The following GIT2 variants were observed in gnomAD, a reference collection of about 807,000 sequenced individuals.
GIT2 encodes GIT ArfGAP 2, also known as ARF GTPase-activating protein GIT2.
GIT2 carries 32 observed loss-of-function variants against 100.3 expected under a neutral mutation model. That is an observed-to-expected ratio of 0.32 (90% confidence interval 0.24 to 0.43). The LOEUF (loss-of-function observed/expected upper bound fraction) is 0.43. Among genes scored for constraint, GIT2 ranks in the 20% least tolerant of loss-of-function variants. The pLI is 1.00. For missense variants in GIT2, 737 were observed against 975.1 expected, an observed-to-expected ratio of 0.76 and a Z score of 3.25; for synonymous variants, 353 against 364.1, an observed-to-expected ratio of 0.97 and a Z score of 0.35.
rs559663280 is a variant in GIT2, at chr12:109,953,619, CCT to C, written c.1100-387_1100-386del. The C allele has an allele frequency of 4.0e-3, 657 of 164,222 alleles. 7 individuals are homozygous for C. Among genetic ancestry groups the C allele is most frequent in the African/African-American group, 0.015 (636 of 41,944 alleles). The allele number at this position is 164,222 out of a possible 1,614,324, so 10.2% of individuals were successfully genotyped here. A position where few individuals can be genotyped will look rare whatever the true frequency, so the allele number is the denominator to read the frequency against. ...TCCAGCCTGGGCATCAGAGTGAGGC[CCT>C]GTCTCTAAGAGCAAAAACAAAGACA... is the stretch of plus-strand genomic sequence containing the variant. On this transcript the variant is annotated intron_variant, in intron 12 of 19. Transcript: ENST00000355312.
At chr12:109,977,358 A>G (rs1209160453) in intron 7 of GIT2, among the ~76,000 whole-genome samples, 1 of 152,124 alleles carries the variant, frequency 6.6e-6, no homozygotes, top group East Asian at 1.9e-4. Context: ...AAAAAATACA[A>G]AAGTTATCTG....
At chr12:109,954,079 C>A (rs191672622) in intron 12 of GIT2, 21 of 152,204 alleles carry the variant, frequency 1.4e-4, no homozygotes, top group African/African-American at 4.1e-4. Flanking sequence ...GAGGCCGAGG[C>A]GGGCGGATCA....
At chr12:109,978,536 C>T (rs1463078033) in intron 7 of GIT2, among the ~76,000 whole-genome samples, 2 of 152,178 alleles carry the variant, frequency 1.3e-5, no homozygotes, top group African/African-American at 2.4e-5. Flanking sequence ...GTCTTTTCTT[C>T]CTACTCTTTT....
intron 6 of GIT2, chr12:109,982,051 T>C (rs1886403548): frequency 6.6e-6 from 1 of 152,250 alleles, no homozygotes; most frequent in Admixed American, 6.5e-5. Context: ...TTTAATTGGC[T>C]GAACTCTTTT....
At chr12:109,960,010 T>C in intron 11 of GIT2, 52 bp from the exon 12 acceptor site, 1 of 1,183,886 alleles carries the variant, frequency 8.4e-7, no homozygotes, top group Non-Finnish European at 1.3e-6. Flanking sequence ...AATATATACA[T>C]AAATAGTCAC....
At chr12:109,939,677 TAAATA>T (rs934462350) in intron 16 of GIT2, 4 of 135,482 alleles carry the variant, frequency 3.0e-5, no homozygotes, top group Admixed American at 1.5e-4. Flanking sequence ...ATTTAAAAAA[TAAATA>T]AAATAAATAA....
chr12:109,966,977 G>A (rs1259098215), intron 8 of GIT2, among the ~76,000 whole-genome samples: 1 of 152,136 alleles, frequency 6.6e-6, no homozygotes. Flanking sequence ...TCAGTGTCCA[G>A]AAATAAAATT....
chr12:109,931,757 C>T lies in GIT2; in HGVS notation c.*1221G>A, dbSNP rs1226487177. ...ACGGGAAGAGCTTTCACATTCAGAA[C>T]AAGAAGGGGCTTTTGAGTAACTAAA... On this transcript the variant is annotated 3_prime_UTR_variant, in exon 20 of 20. Transcript: ENST00000355312. The T allele has an allele frequency of 6.6e-6, 1 of 152,254 alleles. No homozygotes were observed. The highest frequency in any genetic ancestry group is 1.5e-5 in the Non-Finnish European group (1 of 68,062). The allele number at this position is 152,254 out of a possible 1,614,324, so 9.4% of individuals were successfully genotyped here. A position where few individuals can be genotyped will look rare whatever the true frequency, so the allele number is the denominator to read the frequency against.
intron 7 of GIT2, among the ~76,000 whole-genome samples, chr12:109,977,144 G>A (rs1009680261): frequency 6.6e-6 from 1 of 151,982 alleles, no homozygotes; most frequent in Non-Finnish European, 1.5e-5. Context: ...ATTTTCATTG[G>A]ATATAGAGTT....
At chr12:109,980,026 A>G (rs1885990273) in intron 7 of GIT2, among the ~76,000 whole-genome samples, 1 of 152,212 alleles carries the variant, frequency 6.6e-6, no homozygotes, top group East Asian at 1.9e-4. Context: ...GCCATACACA[A>G]GGTATAAATA....
In GIT2 at chr12:109,939,202, C is replaced by G. The variant is rs749181313; in HGVS notation, c.1777G>C (p.Asp593His). The change falls in exon 17 of 20, where the codon GAC becomes CAC. Residue 593 changes from aspartate to histidine, a missense_variant. By Grantham distance (81) the Asp-to-His change is moderately conservative. This residue lies in a region of GIT2 where 451 missense variants were observed against 543.7 expected (regional missense o/e 0.83). Transcript: ENST00000355312. ...GGCTCCATGTCGTTGGGAGTGTTGTCGTAGTCACTCTCAGGTGTGCTGTTC... is the reference window on the plus strand; with the variant it reads ...GGCTCCATGTCGTTGGGAGTGTTGTGGTAGTCACTCTCAGGTGTGCTGTTC... ...KQNSTPESDY[D>H]NTPNDMEPDG... The G allele has an allele frequency of 6.8e-6, 11 of 1,611,238 alleles. No homozygotes were observed. The South Asian group carries it at 8.8e-5, about 13-fold the overall frequency.
intron 7 of GIT2, among the ~76,000 whole-genome samples, chr12:109,968,163 G>C (rs1431259614): frequency 6.6e-6 from 1 of 152,030 alleles, no homozygotes; most frequent in Non-Finnish European, 1.5e-5. Flanking sequence ...CTTTTCCCTT[G>C]AGTAGCGCTA....
At chr12:109,983,185 T>C in intron 6 of GIT2, 188 bp downstream of exon 6, 2 of 544,932 alleles carry the variant, frequency 3.7e-6, no homozygotes, top group Non-Finnish European at 6.5e-6. Flanking sequence ...CACTGGTTCA[T>C]GATTCTAGCC....
rs1277622081 is a variant in GIT2, at chr12:109,938,487, G to A, written c.1896C>T (p.Ala632=). 3.7e-6 allele frequency: 6 copies of A among 1,613,554 alleles called. No individual in the cohort carries two copies. Among genetic ancestry groups the A allele is most frequent in the Non-Finnish European group, 5.1e-6 (6 of 1,179,636 alleles). Residue 632 remains alanine, a synonymous_variant, in exon 18 of 20, where the codon GCC becomes GCT. Coordinates refer to ENST00000355312, the MANE Select transcript of GIT2 (RefSeq NM_057169.5). ...CGGTGCTAGGGAGAGTGGGGCTTGG[G>A]GCCACATGGGGTTCTGCTGTGTCTG... ...LVPDTAEPHV[A]PSPTLPSTED... is the part of the protein sequence containing the mutation.
intron 8 of GIT2, among the ~76,000 whole-genome samples, chr12:109,966,090 G>A (rs1317857968): frequency 6.6e-6 from 1 of 151,190 alleles, no homozygotes; most frequent in Non-Finnish European, 1.5e-5. Flanking sequence ...CTGCCACCAG[G>A]GTTTAAGCAA....
intron 1 of GIT2, among the ~76,000 whole-genome samples, chr12:109,994,764 C>T (rs1424399350): frequency 2.0e-5 from 3 of 152,164 alleles, no homozygotes; most frequent in Non-Finnish European, 4.4e-5. Flanking sequence ...AAGCTAGACA[C>T]ATGTGAATCA....
chr12:109,947,525 T>C lies in GIT2; in HGVS notation c.1393-21A>G, dbSNP rs1876669521. 1 of 1,603,284 alleles carries C rather than the reference T, an allele frequency of 6.2e-7. No individual in the cohort carries two copies. Among genetic ancestry groups the C allele is most frequent in the South Asian group, 1.1e-5 (1 of 90,060 alleles). ...TGAAGCTGAAAGAAATGTTTGGCAG[T>C]GGGACTGTGTTTTTTTACAGCAAGC... On this transcript the variant is annotated intron_variant, in intron 14 of 19. Coordinates refer to ENST00000355312, the MANE Select transcript of GIT2 (RefSeq NM_057169.5). This position sits in a 1 kb window ranked among gnomAD's most constrained non-coding sequence, Gnocchi z 4.3.
At chr12:109,976,919 C>T (rs1193483242) in intron 7 of GIT2, among the ~76,000 whole-genome samples, 1 of 152,118 alleles carries the variant, frequency 6.6e-6, no homozygotes. Context: ...ATATGTATGA[C>T]AATTTCAACT....
At chr12:109,943,202 T>C (rs572474233) in intron 16 of GIT2, among the ~76,000 whole-genome samples, 1 of 152,306 alleles carries the variant, frequency 6.6e-6, no homozygotes, top group Admixed American at 6.5e-5. Context: ...AAAACAAAAA[T>C]TTCACAGTAG....
Sources: gnomAD v4.1 joint callset for allele counts (sites outside exome capture counted in the v4.1 genomes callset) on GRCh38, gnomAD v4.1.1 for gene constraint, gnomAD v4.1.1 regional missense constraint, Gnocchi (gnomAD v3.1) non-coding constraint, MANE v1.5 for transcripts, NCBI Gene and HGNC (gene_info 2026-07-23, HGNC 2026-07-21) for gene names.